The following OTUD7A variants were observed in gnomAD, a reference collection of about 807,000 sequenced individuals.
The protein encoded by OTUD7A is OTU deubiquitinase 7A.
OTUD7A carries 12 observed loss-of-function variants against 65.7 expected under a neutral mutation model. The observed-to-expected ratio is 0.18, with a 90% CI of 0.12 to 0.30. The LOEUF (loss-of-function observed/expected upper bound fraction) is 0.30, where lower values mean the gene tolerates loss of function less well. Among genes scored for constraint, OTUD7A ranks in the 10% least tolerant of loss-of-function variants. The pLI is 1.00. For missense variants in OTUD7A, 1,148 were observed against 1,304.8 expected (o/e 0.88, Z 1.85); for synonymous variants, 641 against 586.3 (o/e 1.09, Z -1.35).
chr15:31,540,935 T>C (rs898095657), intron 5 of OTUD7A, among the ~76,000 whole-genome samples: 3 of 152,168 alleles, frequency 2.0e-5, no homozygotes, highest in Non-Finnish European at 4.4e-5. Flanking sequence ...ATGAGGCAAG[T>C]ACAGAAAATG....
At chr15:31,797,086 A>G (rs999837051) in intron 1 of OTUD7A, among the ~76,000 whole-genome samples, 15 of 152,086 alleles carry the variant, frequency 9.9e-5, no homozygotes, top group Non-Finnish European at 1.9e-4. Flanking sequence ...GGGAAGCAAA[A>G]TAAATCAGTT....
intron 3 of OTUD7A, among the ~76,000 whole-genome samples, chr15:31,601,703 C>A (rs1190235341): frequency 6.6e-6 from 1 of 151,782 alleles, no homozygotes; most frequent in East Asian, 1.9e-4. Flanking sequence ...ACAAAATAGA[C>A]CGCTAGCCAG....
At chr15:31,823,520 T>C (rs1405510171) in intron 1 of OTUD7A, among the ~76,000 whole-genome samples, 2 of 152,266 alleles carry the variant, frequency 1.3e-5, no homozygotes, top group Admixed American at 6.5e-5. Flanking sequence ...AGAGTCGCCA[T>C]ATCTGTTACA....
chr15:31,611,165 G>A (rs1324249085), intron 3 of OTUD7A, among the ~76,000 whole-genome samples: 3 of 151,882 alleles, frequency 2.0e-5, no homozygotes, highest in Admixed American at 2.0e-4. Context: ...GGTGCTAAGA[G>A]GAAACTTCAT....
chr15:31,539,317 G>A (rs1263894624), intron 5 of OTUD7A, among the ~76,000 whole-genome samples: 2 of 151,726 alleles, frequency 1.3e-5, no homozygotes, highest in African/African-American at 2.4e-5. Flanking sequence ...AGATCAGCAG[G>A]GCCTCTGCTT....
At chr15:31,552,330 A>T (rs1888351691) in intron 5 of OTUD7A, among the ~76,000 whole-genome samples, 1 of 152,224 alleles carries the variant, frequency 6.6e-6, no homozygotes, top group Admixed American at 6.5e-5. Flanking sequence ...GGGCTATGAC[A>T]ATAGGATTTG....
chr15:31,585,387 C>A (rs564287939), intron 3 of OTUD7A, among the ~76,000 whole-genome samples: 2 of 152,196 alleles, frequency 1.3e-5, no homozygotes, highest in African/African-American at 4.8e-5. Context: ...CGAGCAGAAA[C>A]AGACAGCTTC....
intron 1 of OTUD7A, among the ~76,000 whole-genome samples, chr15:31,764,224 G>GT (rs1895044646): frequency 6.6e-6 from 1 of 152,074 alleles, no homozygotes; most frequent in African/African-American, 2.4e-5. Context: ...AGAAGTTTTA[G>GT]TATACAAATG....
chr15:31,866,064 T>C (rs987957433), intron 1 of OTUD7A, among the ~76,000 whole-genome samples: 5 of 152,252 alleles, frequency 3.3e-5, no homozygotes, highest in Non-Finnish European at 5.9e-5. Context: ...TTTAGACTTA[T>C]CTACTTAACT....
At chr15:31,490,749 A>G (rs143200921) in intron 10 of OTUD7A, among the ~76,000 whole-genome samples, 42 of 152,348 alleles carry the variant, frequency 2.8e-4, no homozygotes, top group Middle Eastern at 6.8e-3. Flanking sequence ...CACAGGACCT[A>G]CCTGGTTCTC....
At chr15:31,865,062 G>A (rs1471386368) in intron 1 of OTUD7A, among the ~76,000 whole-genome samples, 1 of 152,090 alleles carries the variant, frequency 6.6e-6, no homozygotes, top group Non-Finnish European at 1.5e-5. Context: ...CACACAACTG[G>A]TCATCAAGTC....
At chr15:31,632,562 C>T (rs1026108532) in intron 3 of OTUD7A, among the ~76,000 whole-genome samples, 91 of 152,350 alleles carry the variant, frequency 6.0e-4, no homozygotes, top group African/African-American at 1.9e-3. Flanking sequence ...TTAGGCTGCT[C>T]GGGGGTCAAG....
chr15:31,835,199 T>C (rs763698615), intron 1 of OTUD7A, among the ~76,000 whole-genome samples: 4 of 152,350 alleles, frequency 2.6e-5, no homozygotes, highest in Non-Finnish European at 5.9e-5. Flanking sequence ...AGAAAAAATA[T>C]GGAGAAAAGC....
chr15:31,798,765 C>T lies in OTUD7A; in HGVS notation c.-100+71742G>A, dbSNP rs977431933. Among the ~76,000 whole-genome samples the T allele has an allele frequency of 2.6e-5, 4 of 152,234 alleles. No individual in the cohort carries two copies. In the East Asian group the frequency reaches 7.7e-4, roughly 29 times the overall value. On this transcript the variant is annotated intron_variant, in intron 1 of 12. Transcript: ENST00000307050. ...CAGCTACGTTGTTCTGGTTCCCAGC[C>T]CCCACGGCCCCAGAGGCCAGAAGGA...
At chr15:31,614,532 T>C (rs901500488) in intron 3 of OTUD7A, among the ~76,000 whole-genome samples, 29 of 151,932 alleles carry the variant, frequency 1.9e-4, no homozygotes, top group African/African-American at 5.3e-4. Context: ...CAGAAGAAAA[T>C]GGAATATCTT....
At chr15:31,502,804 G>A (rs543642045) in intron 9 of OTUD7A, among the ~76,000 whole-genome samples, 30 of 152,338 alleles carry the variant, frequency 2.0e-4, no homozygotes, top group African/African-American at 6.3e-4. Context: ...GCAGGCCCGC[G>A]TCCCTGAGCC....
chr15:31,566,644 G>A (rs1312589629), intron 4 of OTUD7A, among the ~76,000 whole-genome samples: 1 of 152,132 alleles, frequency 6.6e-6, no homozygotes, highest in Non-Finnish European at 1.5e-5. Flanking sequence ...GGGGGGGTCT[G>A]GTGGGAGGTG....
chr15:31,766,856 G>A (rs1490678548), intron 1 of OTUD7A: 1 of 1,611,212 alleles, frequency 6.2e-7, no homozygotes, highest in East Asian at 2.2e-5. Flanking sequence ...GGAAAAGATT[G>A]ATGGAAGACA....
In OTUD7A at chr15:31,538,815, T is replaced by TA. The variant is rs552125712; in HGVS notation, c.551-8008dup. On this transcript the variant is annotated intron_variant, in intron 5 of 12. Coordinates refer to ENST00000307050, the MANE Select transcript of OTUD7A (RefSeq NM_001382637.1). ...CAACATAAAAGAAAAGAAAAACGAG[T>TA]AAAGATCAAGCTGAAGTTCCCTCTA... Among the ~76,000 whole-genome samples the TA allele has an allele frequency of 3.7e-3, 568 of 151,870 alleles. 1 individual carries two copies. In the Middle Eastern group the frequency reaches 0.044, roughly 12 times the overall value.
Sources: gnomAD v4.1 joint callset for allele counts (sites outside exome capture counted in the v4.1 genomes callset) on GRCh38, gnomAD v4.1.1 for gene constraint, MANE v1.5 for transcripts, NCBI Gene and HGNC (gene_info 2026-07-23, HGNC 2026-07-21) for gene names.